BRME1: variants seen among roughly 807,000 people sequenced by gnomAD.
The protein encoded by BRME1 is break repair meiotic recombinase recruitment factor 1.
A neutral mutation model predicts 52.6 loss-of-function variants in BRME1; 31 were observed. The ratio of observed to expected loss-of-function variants is 0.59; its 90% confidence interval spans 0.44 to 0.80. The LOEUF (loss-of-function observed/expected upper bound fraction) is 0.80. Ranked by LOEUF, BRME1 falls within the 30% of genes least tolerant of loss-of-function variation. BRME1 has a pLI of 0.00. For synonymous variants in BRME1, 359 were observed against 353.6 expected (o/e 1.02, Z -0.17); for missense variants, 804 against 860.3 (o/e 0.93, Z 0.82).
At chr19:13,905,231 T>C (rs1375242569) in intron 1 of BRME1, among the ~76,000 whole-genome samples, 1 of 152,124 alleles carries the variant, frequency 6.6e-6, no homozygotes, top group East Asian at 1.9e-4. Context: ...ACAGCCTGTG[T>C]GAAGCCCCTC....
chr19:13,884,560 C>T (rs1427528910), intron 7 of BRME1, among the ~76,000 whole-genome samples: 1 of 150,240 alleles, frequency 6.7e-6, no homozygotes, highest in African/African-American at 2.5e-5. Flanking sequence ...CCTGGGAGAT[C>T]GAGGCTGCAG....
chr19:13,884,784 A>G (rs1968884051), intron 7 of BRME1, among the ~76,000 whole-genome samples: 1 of 149,112 alleles, frequency 6.7e-6, no homozygotes, highest in Admixed American at 6.7e-5. Context: ...CAGGCTTCGC[A>G]GCACCTCCGG....
At position 13,882,534 on chromosome 19, in the gene BRME1, C is replaced by T; in HGVS notation, c.*268G>A. On this transcript the variant is annotated 3_prime_UTR_variant, in exon 9 of 9. Coordinates refer to ENST00000586783, the MANE Select transcript of BRME1 (RefSeq NM_001345843.2). ...CAGGATGGGCCCTGCTCAGAGGTGGCCAGCTTCCTGGAGCCCAGGCCCGCT... is the reference window on the plus strand; with the variant it reads ...CAGGATGGGCCCTGCTCAGAGGTGGTCAGCTTCCTGGAGCCCAGGCCCGCT... The T allele has an allele frequency of 1.9e-6, 1 of 537,184 alleles. No homozygotes were observed. 33.3% of individuals were successfully genotyped at this position (537,184 alleles called of 1,614,324 possible).
intron 5 of BRME1, among the ~76,000 whole-genome samples, 178 bp from the exon 6 acceptor site, chr19:13,890,640 G>A (rs1416024227): frequency 1.3e-5 from 2 of 152,128 alleles, no homozygotes; most frequent in African/African-American, 2.4e-5. Flanking sequence ...CGAGGTGGGC[G>A]GATCACTTGA....
At position 13,886,179 on chromosome 19, in the gene BRME1, G is replaced by T. The variant is rs571384356; in HGVS notation, c.1669-124C>A. ...GGCCACAGCAGGTCACATCGGGGCT[G>T]GCTGGGACTCCTGCAGAGGAAGAGC... is the stretch of plus-strand genomic sequence containing the variant. On this transcript the variant is annotated intron_variant, in intron 6 of 8. Coordinates refer to ENST00000586783, the MANE Select transcript of BRME1 (RefSeq NM_001345843.2). The T allele has an allele frequency of 9.8e-6, 7 of 710,970 alleles. No individual in the cohort carries two copies. In the Admixed American group the frequency reaches 1.5e-4, roughly 15 times the overall value. 44.0% of individuals were successfully genotyped at this position (710,970 alleles called of 1,614,324 possible).
intron 6 of BRME1, among the ~76,000 whole-genome samples, chr19:13,886,775 C>A (rs7249227): frequency 0.34 from 47,911 of 142,984 alleles, 10,872 homozygotes; most frequent in African/African-American, 0.66. Flanking sequence ...GCCTGGGCAA[C>A]ACGGCGAGAC....
chr19:13,893,580 C>T (rs933829314), intron 3 of BRME1, among the ~76,000 whole-genome samples: 1 of 152,044 alleles, frequency 6.6e-6, no homozygotes, highest in Non-Finnish European at 1.5e-5. Context: ...TAGGTTGTCA[C>T]TCACCTATCG....
intron 3 of BRME1, among the ~76,000 whole-genome samples, chr19:13,895,050 TG>T (rs1406547958): frequency 6.6e-6 from 1 of 152,080 alleles, no homozygotes; most frequent in Non-Finnish European, 1.5e-5. Context: ...AGCTAATTTT[TG>T]TATTTTTAGT....
At chr19:13,902,986 A>C (rs1300373860) in intron 2 of BRME1, among the ~76,000 whole-genome samples, 1 of 151,044 alleles carries the variant, frequency 6.6e-6, no homozygotes, top group African/African-American at 2.4e-5. Context: ...CCTGTTTTTC[A>C]TGCTGTTCTA....
intron 2 of BRME1, among the ~76,000 whole-genome samples, chr19:13,896,532 G>C (rs1019117896): frequency 6.9e-6 from 1 of 145,656 alleles, no homozygotes; most frequent in East Asian, 2.0e-4. Context: ...TATATTGCCA[G>C]GTTGTTCCAT....
Position 13,883,502 on chromosome 19 carries a change from G to A in BRME1, c.1764-102C>T, listed in dbSNP as rs1221718063. The A allele has an allele frequency of 2.3e-6, 2 of 875,308 alleles. No homozygotes were observed. Among genetic ancestry groups the A allele is most frequent in the Admixed American group, 4.3e-5 (2 of 46,458 alleles). 54.2% of individuals were successfully genotyped at this position (875,308 alleles called of 1,614,324 possible). On this transcript the variant is annotated intron_variant, in intron 7 of 8. Coordinates refer to ENST00000586783, the MANE Select transcript of BRME1 (RefSeq NM_001345843.2). This position sits in a 1 kb window ranked among gnomAD's most constrained non-coding sequence, Gnocchi z 4.2. ...GCAGGGCCTCGCGCCATCTTTTCCA[G>A]GTGTCCAGCCTGTCCTCCTCTGTTC...
chr19:13,901,041 T>G (rs1970260512), intron 2 of BRME1, among the ~76,000 whole-genome samples: 2 of 152,010 alleles, frequency 1.3e-5, no homozygotes, highest in African/African-American at 4.8e-5. Context: ...GGCGCAATCA[T>G]AGCTCACTGC....
At chr19:13,891,073 C>G (rs538429070) in intron 5 of BRME1, among the ~76,000 whole-genome samples, 33 of 152,002 alleles carry the variant, frequency 2.2e-4, no homozygotes, top group Admixed American at 1.8e-3. Context: ...ACCAGGTACT[C>G]AATCAGATCA....
Position 13,882,761 on chromosome 19 carries a change from T to C in BRME1, c.*41A>G, listed in dbSNP as rs1191695639. On this transcript the variant is annotated 3_prime_UTR_variant, in exon 9 of 9. Coordinates refer to ENST00000586783, the MANE Select transcript of BRME1 (RefSeq NM_001345843.2). ...GCATCTTGGAGGAGGTCTGCGGACA[T>C]GGGGGCTGGGTGGCAAAGGAAACAC... The C allele has an allele frequency of 1.9e-6, 3 of 1,610,976 alleles. No individual in the cohort carries two copies. Among genetic ancestry groups the C allele is most frequent in the East Asian group, 2.2e-5 (1 of 44,854 alleles).
At position 13,890,213 on chromosome 19, in the gene BRME1, G is replaced by C. The variant is rs376578744; in HGVS notation, c.643C>G (p.Gln215Glu). 9.3e-6 allele frequency: 15 copies of C among 1,614,206 alleles called. No individual in the cohort carries two copies. The African/African-American group carries it at 1.7e-4, about 19-fold the overall frequency. ...TCAGGCTTGCTGTCATCGGCCCCTT[G>C]TTCTGACAGGTGGTCTTGGCTGGCC... Reference protein sequence around the residue: ...QRASQDHLSEQGADDSKPETD... With the variant: ...QRASQDHLSEEGADDSKPETD... Residue 215 changes from glutamine to glutamate, a missense_variant, in exon 6 of 9, where the codon CAA (glutamine) becomes GAA (glutamate). Physicochemically the swap from Gln to Glu is conservative, Grantham distance 29. Coordinates refer to ENST00000586783, the MANE Select transcript of BRME1 (RefSeq NM_001345843.2).
intron 6 of BRME1, 61 bp from the exon 7 acceptor site, chr19:13,886,116 G>A: frequency 7.1e-7 from 1 of 1,411,114 alleles, no homozygotes; most frequent in Admixed American, 1.8e-5. Flanking sequence ...TCTGCACAGG[G>A]GAACCAGAAG....
chr19:13,899,180 G>C (rs1464029741), intron 2 of BRME1, among the ~76,000 whole-genome samples: 1 of 139,826 alleles, frequency 7.2e-6, no homozygotes, highest in Admixed American at 7.5e-5. Flanking sequence ...ATGGACTCTC[G>C]CTCTGTTGCC....
chr19:13,906,115 G>A lies in BRME1; in HGVS notation c.-422C>T. ...GCGAGGTCCCGCCCCGCGCATGAGC[G>A]ACGCAAACACCGCCCTCGCAGCCCG... On this transcript the variant is annotated 5_prime_UTR_variant, in exon 1 of 9. Transcript: ENST00000586783. This position sits in a 1 kb window ranked among gnomAD's most constrained non-coding sequence, Gnocchi z 4.1. The A allele has an allele frequency of 7.1e-6, 2 of 279,772 alleles. No individual in the cohort carries two copies. The highest frequency in any genetic ancestry group is 1.3e-5 in the Non-Finnish European group (2 of 149,506). 17.3% of individuals were successfully genotyped at this position (279,772 alleles called of 1,614,324 possible). A position where few individuals can be genotyped will look rare whatever the true frequency, so the allele number is the denominator to read the frequency against.
intron 2 of BRME1, among the ~76,000 whole-genome samples, chr19:13,899,718 C>T (rs951322961): frequency 1.3e-5 from 2 of 152,036 alleles, no homozygotes; most frequent in African/African-American, 4.8e-5. Context: ...CATTCCTAAC[C>T]GTCCGGGTGC....
Sources: gnomAD v4.1 joint callset for allele counts (sites outside exome capture counted in the v4.1 genomes callset) on GRCh38, gnomAD v4.1.1 for gene constraint, Gnocchi (gnomAD v3.1) non-coding constraint, MANE v1.5 for transcripts, NCBI Gene and HGNC (gene_info 2026-07-23, HGNC 2026-07-21) for gene names.